Variants in RIMS1 observed in about 807,000 individuals in gnomAD.
RIMS1 encodes regulating synaptic membrane exocytosis protein 1.
A neutral mutation model predicts 214.1 loss-of-function variants in RIMS1; 83 were observed. That is an observed-to-expected ratio of 0.39 (90% CI 0.32 to 0.47). The LOEUF is 0.47. RIMS1 is among the 20% of genes least tolerant of loss of function. RIMS1 has a pLI of 0.99. For missense variants in RIMS1, 2,050 were observed against 2,161.8 expected, an observed-to-expected ratio of 0.95 and a Z score of 1.03; for synonymous variants, 793 against 786.8, an observed-to-expected ratio of 1.01 and a Z score of -0.13.
chr6:72,243,325 C>T (rs956307523), intron 10 of RIMS1, among the ~76,000 whole-genome samples: 7 of 151,438 alleles, frequency 4.6e-5, no homozygotes, highest in African/African-American at 1.7e-4. Context: ...TATCATAATT[C>T]TCAAAGAATG....
intron 29 of RIMS1, among the ~76,000 whole-genome samples, chr6:72,347,868 C>G (rs1247301971): frequency 2.6e-5 from 4 of 151,864 alleles, no homozygotes; most frequent in Admixed American, 2.6e-4. Context: ...AGGGAGTTCT[C>G]ATGTGGTGCT....
rs1367376038 is a variant in RIMS1 at position 72,358,076 on chromosome 6, C to T, written c.4366+24241C>T. Among the ~76,000 whole-genome samples the T allele has an allele frequency of 3.2e-5, 4 of 126,380 alleles. No homozygotes were observed. The South Asian group carries it at 6.9e-4, about 22-fold the overall frequency. The allele number at this position is 126,380 out of a possible 152,430, so 82.9% of individuals were successfully genotyped here. ...AAACAGTATCACCACCTTGTCTGTA[C>T]AGCACAGTAGAGTCCCAAAACAATT... On this transcript the variant is annotated intron_variant, in intron 29 of 33. Transcript: ENST00000521978.
intron 10 of RIMS1, among the ~76,000 whole-genome samples, chr6:72,243,026 A>G (rs531534708): frequency 3.8e-4 from 57 of 151,860 alleles, no homozygotes; most frequent in Non-Finnish European, 5.5e-4. Flanking sequence ...GATATTTTCT[A>G]TGTATGTATA....
intron 2 of RIMS1, among the ~76,000 whole-genome samples, chr6:72,015,187 TA>T (rs773502479): frequency 6.6e-6 from 1 of 152,208 alleles, no homozygotes; most frequent in Non-Finnish European, 1.5e-5. Context: ...ATATTTGAAA[TA>T]ATTTTTTGCA....
intron 1 of RIMS1, among the ~76,000 whole-genome samples, chr6:71,941,230 T>C (rs1786027141): frequency 6.6e-6 from 1 of 152,188 alleles, no homozygotes; most frequent in Non-Finnish European, 1.5e-5. Context: ...ATTTTTATTG[T>C]ATAAAAGTAT....
chr6:71,911,711 A>G (rs887800494), intron 1 of RIMS1, among the ~76,000 whole-genome samples: 9 of 152,154 alleles, frequency 5.9e-5, no homozygotes, highest in Non-Finnish European at 1.0e-4. Context: ...TGCTTAACAC[A>G]TATCAGTCTA....
At chr6:72,237,511 C>G (rs980927062) in intron 8 of RIMS1, among the ~76,000 whole-genome samples, 2 of 151,766 alleles carry the variant, frequency 1.3e-5, no homozygotes, top group African/African-American at 4.8e-5. Flanking sequence ...CTTGTCTCTA[C>G]AAATAATTTT....
rs568049908 is a variant in RIMS1 at position 72,196,786 on chromosome 6, A to G, written c.1678+13637A>G. On this transcript the variant is annotated intron_variant, in intron 6 of 33. Transcript: ENST00000521978. ...AGGCGAATATAGCGTGCTTTTCCAC[A>G]TAAGAGCTTGTCAGGTAGGCATGAG... 1.1e-4 allele frequency among the ~76,000 whole-genome samples: 17 copies of G among 151,900 alleles called. No individual in the cohort carries two copies. In the South Asian group the frequency reaches 3.5e-3, roughly 32 times the overall value.
At chr6:71,933,154 C>G (rs1304174465) in intron 1 of RIMS1, among the ~76,000 whole-genome samples, 1 of 152,082 alleles carries the variant, frequency 6.6e-6, no homozygotes, top group African/African-American at 2.4e-5. Context: ...GAGGATAGAA[C>G]AGGAAGCAGT....
intron 4 of RIMS1, among the ~76,000 whole-genome samples, chr6:72,139,192 A>G (rs1048584216): frequency 5.3e-5 from 8 of 152,132 alleles, no homozygotes; most frequent in Non-Finnish European, 1.0e-4. Flanking sequence ...GGACCTAAAA[A>G]GTCCTATTAG....
intron 6 of RIMS1, among the ~76,000 whole-genome samples, chr6:72,187,350 G>C (rs149494372): frequency 6.6e-6 from 1 of 151,966 alleles, no homozygotes; most frequent in Non-Finnish European, 1.5e-5. Context: ...GTCAAATGGC[G>C]GGTAGATTAT....
intron 26 of RIMS1, among the ~76,000 whole-genome samples, chr6:72,297,804 A>G (rs1010929608): frequency 6.6e-5 from 10 of 152,144 alleles, no homozygotes; most frequent in African/African-American, 2.2e-4. Context: ...ACTTTGAAAG[A>G]ATAGAAGCAA....
intron 6 of RIMS1, chr6:72,217,038 G>C (rs576093438): frequency 6.9e-7 from 1 of 1,442,024 alleles, no homozygotes; most frequent in South Asian, 1.5e-5. Context: ...TTTTGGCTTT[G>C]ATTTAGAATG....
chr6:72,248,216 C>A, intron 12 of RIMS1, 89 bp downstream of exon 12: 2 of 727,262 alleles, frequency 2.8e-6, no homozygotes, highest in Non-Finnish European at 4.7e-6. Context: ...TTCCTTGAAG[C>A]CTGCAATAAA....
chr6:72,038,182 G>A (rs1285418432), intron 2 of RIMS1, among the ~76,000 whole-genome samples: 3 of 118,496 alleles, frequency 2.5e-5, no homozygotes, highest in African/African-American at 9.8e-5. Context: ...CCCACCCCCA[G>A]TTTTCCAAGG....
rs571664453 is a variant in RIMS1, at chr6:72,179,841, G to A, written c.738G>A (p.Glu246=). The A allele has an allele frequency of 5.0e-6, 8 of 1,610,352 alleles. No individual in the cohort carries two copies. The East Asian group carries it at 1.8e-4, about 36-fold the overall frequency. Residue 246 remains glutamate, a synonymous_variant, in exon 5 of 34, where the codon GAG becomes GAA. Coordinates refer to ENST00000521978, the MANE Select transcript of RIMS1 (RefSeq NM_014989.7). The part of the protein sequence containing the change: ...SAPPDRSKGA[E]PSQQALGPEQ... ...CACCAGACAGGAGCAAAGGGGCTGA[G>A]CCCTCGCAGCAAGCCTTGGGGCCTG...
chr6:72,336,473 C>G (rs929116286), intron 29 of RIMS1, among the ~76,000 whole-genome samples: 14 of 151,764 alleles, frequency 9.2e-5, no homozygotes, highest in Non-Finnish European at 1.6e-4. Context: ...GGAATATCCT[C>G]TTTTCAGAGA....
intron 26 of RIMS1, among the ~76,000 whole-genome samples, chr6:72,294,458 T>G (rs1306085172): frequency 6.6e-6 from 1 of 151,790 alleles, no homozygotes. Flanking sequence ...ATTTTCTGTT[T>G]AGAAATAATT....
At chr6:72,091,412 T>C (rs1303077856) in intron 2 of RIMS1, among the ~76,000 whole-genome samples, 1 of 152,240 alleles carries the variant, frequency 6.6e-6, no homozygotes, top group Non-Finnish European at 1.5e-5. Flanking sequence ...GAAGGATTTC[T>C]CTACATTCCA....
Sources: allele counts gnomAD v4.1 joint callset (sites outside exome capture counted in the v4.1 genomes callset), GRCh38; gene constraint gnomAD v4.1.1; transcripts MANE v1.5; gene names NCBI Gene and HGNC (gene_info 2026-07-23, HGNC 2026-07-21).